Variants in ARHGAP10 observed in about 807,000 individuals in gnomAD.
The protein encoded by ARHGAP10 is rho GTPase-activating protein 10.
Under a neutral mutation model 108.6 loss-of-function variants are expected in ARHGAP10, and 87 were observed. The observed-to-expected ratio is 0.80, with a 90% confidence interval of 0.67 to 0.96. The LOEUF (loss-of-function observed/expected upper bound fraction) is 0.96, where lower values mean the gene tolerates loss of function less well. Ranked by LOEUF, ARHGAP10 falls within the 40% of genes least tolerant of loss-of-function variation. ARHGAP10 has a pLI of 0.00. For synonymous variants in ARHGAP10, 347 were observed against 341.1 expected (o/e 1.02, Z -0.19); for missense variants, 939 against 954.5 (o/e 0.98, Z 0.21).
At chr4:147,810,762 A>G (rs1052706467) in intron 1 of ARHGAP10, among the ~76,000 whole-genome samples, 4 of 152,210 alleles carry the variant, frequency 2.6e-5, no homozygotes, top group Non-Finnish European at 2.9e-5. Flanking sequence ...TGACTGTCCC[A>G]TCTTTTAGAA....
intron 16 of ARHGAP10, among the ~76,000 whole-genome samples, chr4:147,959,519 C>T (rs946619649): frequency 5.3e-5 from 8 of 151,458 alleles, no homozygotes; most frequent in African/African-American, 2.0e-4. Context: ...CCTCCCCGCT[C>T]CCCCCACCCC....
chr4:147,968,155 G>A (rs1199585418), intron 18 of ARHGAP10, among the ~76,000 whole-genome samples: 1 of 152,120 alleles, frequency 6.6e-6, no homozygotes, highest in Non-Finnish European at 1.5e-5. Flanking sequence ...TATATGTAGG[G>A]ATGAGATAAT....
At chr4:147,740,011 C>T (rs4490438) in intron 1 of ARHGAP10, among the ~76,000 whole-genome samples, 18,578 of 148,980 alleles carry the variant, frequency 0.12, 1,450 homozygotes, top group African/African-American at 0.22. Context: ...CCTGGGATTA[C>T]AGGTGTGAGC....
intron 3 of ARHGAP10, among the ~76,000 whole-genome samples, 155 bp from the exon 4 acceptor site, chr4:147,846,996 G>C (rs1009876865): frequency 3.9e-5 from 6 of 152,100 alleles, no homozygotes; most frequent in African/African-American, 1.4e-4. Context: ...AATAAGTTGA[G>C]AAGTGATTTA....
At chr4:147,777,082 G>T (rs1460367228) in intron 1 of ARHGAP10, among the ~76,000 whole-genome samples, 2 of 152,090 alleles carry the variant, frequency 1.3e-5, no homozygotes, top group South Asian at 2.1e-4. Flanking sequence ...GTTACAGTCA[G>T]TTTTCTTCTT....
At chr4:147,811,937 G>A (rs1015686347) in intron 1 of ARHGAP10, among the ~76,000 whole-genome samples, 4 of 152,220 alleles carry the variant, frequency 2.6e-5, no homozygotes, top group Admixed American at 6.5e-5. Flanking sequence ...CAAGGTGGGG[G>A]ATACCTGTGT....
chr4:147,885,053 A>G (rs576398469), intron 10 of ARHGAP10, among the ~76,000 whole-genome samples: 1 of 151,964 alleles, frequency 6.6e-6, no homozygotes, highest in South Asian at 2.1e-4. Context: ...TCTGGGGATA[A>G]ACTGGATGTT....
chr4:148,059,754 G>A (rs536418656), intron 20 of ARHGAP10, among the ~76,000 whole-genome samples: 12 of 152,216 alleles, frequency 7.9e-5, no homozygotes, highest in Non-Finnish European at 1.0e-4. Flanking sequence ...GCCTACCATC[G>A]TTTCCGGGAT....
intron 13 of ARHGAP10, 109 bp from the exon 14 acceptor site, chr4:147,939,716 A>T: frequency 1.1e-6 from 1 of 946,848 alleles, no homozygotes; most frequent in Non-Finnish European, 1.7e-6. Context: ...TTTTATAGTT[A>T]ACAGGAATGC....
intron 18 of ARHGAP10, among the ~76,000 whole-genome samples, chr4:148,020,536 T>C (rs192323606): frequency 1.1e-3 from 166 of 147,286 alleles, no homozygotes; most frequent in Non-Finnish European, 1.9e-3. Context: ...AGTGAGAACA[T>C]GCGTTTTTTG....
intron 16 of ARHGAP10, among the ~76,000 whole-genome samples, chr4:147,963,776 C>T (rs993733480): frequency 1.3e-5 from 2 of 152,214 alleles, no homozygotes; most frequent in Non-Finnish European, 2.9e-5. Flanking sequence ...CTCCTTGCCA[C>T]TCACAGCTTC....
chr4:148,013,515 T>C (rs921498297), intron 18 of ARHGAP10, among the ~76,000 whole-genome samples: 1 of 152,068 alleles, frequency 6.6e-6, no homozygotes, highest in African/African-American at 2.4e-5. Flanking sequence ...GGTGAAATGC[T>C]GTCTCTACTA....
At chr4:147,999,633 C>G (rs752824407) in intron 18 of ARHGAP10, among the ~76,000 whole-genome samples, 3 of 152,212 alleles carry the variant, frequency 2.0e-5, no homozygotes, top group Admixed American at 6.5e-5. Flanking sequence ...CACTGGGTTC[C>G]ACGGTTCTCT....
At chr4:147,993,243 A>G (rs1170246244) in intron 18 of ARHGAP10, among the ~76,000 whole-genome samples, 1 of 152,236 alleles carries the variant, frequency 6.6e-6, no homozygotes, top group Non-Finnish European at 1.5e-5. Flanking sequence ...AATCATTGGA[A>G]GCTCTAAAGA....
intron 3 of ARHGAP10, among the ~76,000 whole-genome samples, chr4:147,844,219 T>C (rs1489510176): frequency 6.6e-6 from 1 of 152,182 alleles, no homozygotes; most frequent in East Asian, 1.9e-4. Flanking sequence ...GAGTACATAA[T>C]AGGTATATAT....
intron 1 of ARHGAP10, among the ~76,000 whole-genome samples, chr4:147,739,097 G>C (rs1418035685): frequency 2.6e-5 from 4 of 151,180 alleles, no homozygotes; most frequent in African/African-American, 9.8e-5. Context: ...CGAGGCAGGA[G>C]AGTTGCTTGA....
chr4:148,025,918 C>A (rs527731201), intron 19 of ARHGAP10, among the ~76,000 whole-genome samples: 26 of 152,082 alleles, frequency 1.7e-4, no homozygotes, highest in African/African-American at 6.3e-4. Flanking sequence ...TCCAAATGTT[C>A]TAGTTTATAT....
At chr4:147,943,234 A>T (rs1246071281) in intron 14 of ARHGAP10, among the ~76,000 whole-genome samples, 3 of 152,178 alleles carry the variant, frequency 2.0e-5, no homozygotes, top group Non-Finnish European at 4.4e-5. Flanking sequence ...TGGTCTGGTG[A>T]GCTCAGTGGT....
chr4:147,883,886 G>A (rs552338397), intron 10 of ARHGAP10, among the ~76,000 whole-genome samples: 14 of 152,098 alleles, frequency 9.2e-5, no homozygotes, highest in African/African-American at 3.4e-4. Flanking sequence ...GTACAGACAG[G>A]GTTTTGCTAT....
Sources: gnomAD v4.1 joint callset for allele counts (sites outside exome capture counted in the v4.1 genomes callset) on GRCh38, gnomAD v4.1.1 for gene constraint, MANE v1.5 for transcripts, NCBI Gene and HGNC (gene_info 2026-07-23, HGNC 2026-07-21) for gene names.